The following PIBF1 variants were observed in gnomAD, a reference collection of about 807,000 sequenced individuals.
The protein encoded by PIBF1 is progesterone immunomodulatory binding factor 1, also known as progesterone-induced-blocking factor 1.
Under a neutral mutation model 112.5 loss-of-function variants are expected in PIBF1, and 90 were observed. The observed-to-expected ratio is 0.80, with a 90% CI of 0.67 to 0.95. The LOEUF (loss-of-function observed/expected upper bound fraction) is 0.95, where lower values mean the gene tolerates loss of function less well. Among genes scored for constraint, PIBF1 ranks in the 40% least tolerant of loss-of-function variants. PIBF1 has a pLI of 0.00. For missense variants in PIBF1, 915 were observed against 852.3 expected, an observed-to-expected ratio of 1.07 and a Z score of -0.92; for synonymous variants, 301 against 288.6, an observed-to-expected ratio of 1.04 and a Z score of -0.44.
At chr13:72,835,452 A>G in intron 9 of PIBF1, 84 bp downstream of exon 9, 1 of 1,047,036 alleles carries the variant, frequency 9.6e-7, no homozygotes, top group Admixed American at 2.9e-5. Flanking sequence ...GCTATTTATT[A>G]TATAATGTCT....
intron 11 of PIBF1, among the ~76,000 whole-genome samples, chr13:72,900,254 C>A (rs1243777276): frequency 1.3e-5 from 2 of 152,032 alleles, no homozygotes; most frequent in Non-Finnish European, 2.9e-5. Context: ...AAAAAAAATT[C>A]TAAAATTCAT....
chr13:72,898,369 CACAA>C (rs1216937433), intron 11 of PIBF1, among the ~76,000 whole-genome samples: 1 of 148,324 alleles, frequency 6.7e-6, no homozygotes, highest in East Asian at 1.9e-4. Flanking sequence ...TCTGAAAGAG[CACAA>C]ACAGACAATC....
At chr13:73,012,118 G>A (rs773987527) in intron 17 of PIBF1, among the ~76,000 whole-genome samples, 20 of 152,098 alleles carry the variant, frequency 1.3e-4, no homozygotes, top group Non-Finnish European at 2.6e-4. Context: ...TTGGGAGGCC[G>A]AGGCGAGCAG....
rs1331093257 is a variant in PIBF1 at position 72,816,644 on chromosome 13, G to A, written c.673-5205G>A. On this transcript the variant is annotated intron_variant, in intron 5 of 17. Transcript: ENST00000326291. ...CCACTGCACTCCAGCCTGGGCAACA[G>A]AGTGAGACCCTGTCTCAAAAAAAAA... Among the ~76,000 whole-genome samples the A allele has an allele frequency of 8.8e-5, 13 of 147,814 alleles. 1 individual carries two copies. The highest frequency in any genetic ancestry group is 6.8e-5 in the Admixed American group (1 of 14,678).
At chr13:72,962,725 A>G (rs753615623) in intron 14 of PIBF1, among the ~76,000 whole-genome samples, 2 of 152,344 alleles carry the variant, frequency 1.3e-5, no homozygotes, top group Admixed American at 6.5e-5. Flanking sequence ...TCTACAAATT[A>G]GATTCAGTCC....
At chr13:72,820,600 C>A (rs1348691836) in intron 5 of PIBF1, among the ~76,000 whole-genome samples, 1 of 152,118 alleles carries the variant, frequency 6.6e-6, no homozygotes, top group Non-Finnish European at 1.5e-5. Context: ...ATCAAAGTTA[C>A]ATTTAGTAGT....
At chr13:72,908,163 G>A (rs1266664460) in intron 11 of PIBF1, among the ~76,000 whole-genome samples, 1 of 152,100 alleles carries the variant, frequency 6.6e-6, no homozygotes, top group African/African-American at 2.4e-5. Context: ...AAACAGCTTT[G>A]TAAGCCTCTG....
In PIBF1 at chr13:72,827,768, A is replaced by G; in HGVS notation, c.951A>G (p.Gln317=). Residue 317 remains glutamine, a synonymous_variant, in exon 8 of 18, where the codon CAA becomes CAG. Coordinates refer to ENST00000326291, the MANE Select transcript of PIBF1 (RefSeq NM_006346.4). ...TAGAGCAAACTGTTACTTTACTGCA[A>G]AAGGATAAAGAATATCTTAATCGCC... The part of the protein sequence containing the change: ...VTLEQTVTLL[Q]KDKEYLNRQN... The G allele has an allele frequency of 1.3e-6, 2 of 1,594,730 alleles. No individual in the cohort carries two copies. The highest frequency in any genetic ancestry group is 1.7e-6 in the Non-Finnish European group (2 of 1,170,896).
intron 17 of PIBF1, among the ~76,000 whole-genome samples, chr13:73,015,442 C>T (rs1299582187): frequency 1.3e-5 from 2 of 152,136 alleles, no homozygotes; most frequent in South Asian, 2.1e-4. Context: ...CTGGTAAATA[C>T]TTAGAAATTC....
chr13:72,813,253 A>G (rs2036105983), intron 5 of PIBF1, among the ~76,000 whole-genome samples: 2 of 152,222 alleles, frequency 1.3e-5, no homozygotes, highest in Admixed American at 1.3e-4. Flanking sequence ...AGGAGGAAGT[A>G]AAGGGATTCT....
chr13:73,004,746 G>A (rs1488536018), intron 17 of PIBF1, among the ~76,000 whole-genome samples: 2 of 152,196 alleles, frequency 1.3e-5, no homozygotes, highest in East Asian at 3.8e-4. Flanking sequence ...GTAGAGTGGT[G>A]GTTGTCAGGG....
chr13:73,012,810 A>G (rs1238883339), intron 17 of PIBF1, among the ~76,000 whole-genome samples: 1 of 151,886 alleles, frequency 6.6e-6, no homozygotes, highest in Non-Finnish European at 1.5e-5. Context: ...AACCTCTAAA[A>G]AAGAGAATAT....
intron 9 of PIBF1, among the ~76,000 whole-genome samples, chr13:72,844,758 C>CACACACGGATGAAGTCTTACTGTTT (rs1555296169): frequency 0.027 from 3,381 of 125,686 alleles, 222 homozygotes; most frequent in South Asian, 0.043. Flanking sequence ...CACACACACA[C>CACACACGGATGAAGTCTTACTGTTT]ACACACACAC....
In PIBF1 at chr13:72,933,649, G is replaced by A. The variant is rs376755550; in HGVS notation, c.1833+2382G>A. Among the ~76,000 whole-genome samples, 154 of 152,300 alleles carry A rather than the reference G, an allele frequency of 1.0e-3. No individual in the cohort carries two copies. The Middle Eastern group carries it at 0.024, about 24-fold the overall frequency. ...CGTACTCCAGCCTGGGCAACAGAGG[G>A]AAACTCTAGTCTCAAAAATAAAAAG... On this transcript the variant is annotated intron_variant, in intron 14 of 17. Transcript: ENST00000326291.
chr13:72,889,077 A>G lies in PIBF1; in HGVS notation c.1323-4707A>G, dbSNP rs150434087. Among the ~76,000 whole-genome samples, 20 of 152,228 alleles carry G rather than the reference A, an allele frequency of 1.3e-4. No individual in the cohort carries two copies. The East Asian group carries it at 3.9e-3, about 29-fold the overall frequency. On this transcript the variant is annotated intron_variant, in intron 10 of 17. Coordinates refer to ENST00000326291, the MANE Select transcript of PIBF1 (RefSeq NM_006346.4). ...AAAAGAAAAGAAGTCTGTAATATTT[A>G]TTTGTAATGTTTGGAGTTTTTAGCC...
chr13:73,015,500 T>C (rs1487450278), intron 17 of PIBF1, among the ~76,000 whole-genome samples: 1 of 152,096 alleles, frequency 6.6e-6, no homozygotes, highest in East Asian at 1.9e-4. Flanking sequence ...ATTTAATAAA[T>C]ATCTATTGAG....
At chr13:72,868,158 C>T (rs78914181) in intron 10 of PIBF1, among the ~76,000 whole-genome samples, 15,808 of 151,926 alleles carry the variant, frequency 0.1, 2,307 homozygotes, top group African/African-American at 0.33. Flanking sequence ...AAATTAACCA[C>T]GCAGAGTGGG....
intron 10 of PIBF1, among the ~76,000 whole-genome samples, chr13:72,892,702 C>G (rs2040102164): frequency 1.3e-5 from 2 of 151,738 alleles, no homozygotes; most frequent in African/African-American, 2.4e-5. Context: ...ATAAAACAGA[C>G]TATGCTCTCT....
At chr13:72,934,257 C>A (rs1056554024) in intron 14 of PIBF1, among the ~76,000 whole-genome samples, 1 of 151,964 alleles carries the variant, frequency 6.6e-6, no homozygotes, top group Admixed American at 6.6e-5. Context: ...TGAAATAATA[C>A]AGATGGAAAT....
Sources: allele counts gnomAD v4.1 joint callset (sites outside exome capture counted in the v4.1 genomes callset), GRCh38; gene constraint gnomAD v4.1.1; transcripts MANE v1.5; gene names NCBI Gene and HGNC (gene_info 2026-07-23, HGNC 2026-07-21).